The following SOX6 variants were observed in gnomAD, a reference collection of about 807,000 sequenced individuals.
SOX6 encodes transcription factor SOX-6.
Under a neutral mutation model 97.8 loss-of-function variants are expected in SOX6, and 11 were observed. The observed-to-expected ratio is 0.11, with a 90% CI of 0.07 to 0.19. The LOEUF (loss-of-function observed/expected upper bound fraction) is 0.19. SOX6 is among the 10% of genes least tolerant of loss of function. The pLI is 1.00. For missense variants in SOX6, 810 were observed against 1,039.5 expected (o/e 0.78, Z 3.04); for synonymous variants, 360 against 371.4 (o/e 0.97, Z 0.35).
chr11:16,121,886 T>C (rs1849502853), intron 6 of SOX6, among the ~76,000 whole-genome samples: 1 of 152,060 alleles, frequency 6.6e-6, no homozygotes, highest in Non-Finnish European at 1.5e-5. Flanking sequence ...AGATATCTAC[T>C]ACCTTTTCAA....
intron 3 of SOX6, among the ~76,000 whole-genome samples, chr11:16,274,719 A>C (rs1854346847): frequency 6.6e-6 from 1 of 152,202 alleles, no homozygotes. Flanking sequence ...GTTATTCCTC[A>C]GCATAGAAAG....
At chr11:16,033,310 C>T (rs1855431450) in intron 12 of SOX6, among the ~76,000 whole-genome samples, 1 of 152,168 alleles carries the variant, frequency 6.6e-6, no homozygotes, top group South Asian at 2.1e-4. Context: ...ATCATTTCCA[C>T]CTCCCAAGTG....
At chr11:16,322,813 T>C (rs1590124089) in intron 2 of SOX6, among the ~76,000 whole-genome samples, 1 of 152,164 alleles carries the variant, frequency 6.6e-6, no homozygotes, top group Non-Finnish European at 1.5e-5. Context: ...AACAATGATA[T>C]AAATGTGTTT....
chr11:16,024,838 T>A (rs1855171214), intron 12 of SOX6, among the ~76,000 whole-genome samples: 1 of 152,008 alleles, frequency 6.6e-6, no homozygotes, highest in African/African-American at 2.4e-5. Context: ...TCAAAAACAT[T>A]CTCCAATGAT....
chr11:16,169,723 T>C (rs973063906), intron 6 of SOX6, among the ~76,000 whole-genome samples: 7 of 152,026 alleles, frequency 4.6e-5, no homozygotes, highest in African/African-American at 1.4e-4. Context: ...GCTTAGTAAA[T>C]AGTTTAAATT....
intron 11 of SOX6, among the ~76,000 whole-genome samples, chr11:16,048,003 C>T (rs1213600791): frequency 6.6e-6 from 1 of 152,012 alleles, no homozygotes; most frequent in Admixed American, 6.6e-5. Flanking sequence ...TACTTCAGCC[C>T]ATTTCTAGCT....
chr11:16,548,638 G>T (rs1847646580), intron 4 of SOX6, among the ~76,000 whole-genome samples: 1 of 152,044 alleles, frequency 6.6e-6, no homozygotes, highest in African/African-American at 2.4e-5. Flanking sequence ...AAAAATTTTG[G>T]CTCTTTGAAA....
intron 6 of SOX6, among the ~76,000 whole-genome samples, chr11:16,154,085 A>C (rs987738588): frequency 5.3e-5 from 8 of 152,148 alleles, no homozygotes; most frequent in African/African-American, 1.9e-4. Context: ...CAGTGGCTGG[A>C]TACCACCAAA....
At chr11:16,096,257 T>A in intron 8 of SOX6, 139 bp from the exon 9 acceptor site, 1 of 1,085,360 alleles carries the variant, frequency 9.2e-7, no homozygotes, top group South Asian at 1.5e-5. Context: ...CTCAGTTTCT[T>A]TCTTTTACAG....
At chr11:16,575,471 T>C (rs992219463) in intron 4 of SOX6, among the ~76,000 whole-genome samples, 5 of 152,112 alleles carry the variant, frequency 3.3e-5, no homozygotes, top group Non-Finnish European at 7.4e-5. Flanking sequence ...GCATTGTTCA[T>C]AATAACCAGC....
intron 7 of SOX6, among the ~76,000 whole-genome samples, chr11:16,107,031 C>T (rs1472328411): frequency 1.3e-5 from 2 of 151,730 alleles, no homozygotes; most frequent in African/African-American, 2.4e-5. Context: ...AAAATCACAG[C>T]GAGATACCAC....
chr11:16,723,929 C>T (rs1260854325), intron 2 of SOX6, among the ~76,000 whole-genome samples: 1 of 152,086 alleles, frequency 6.6e-6, no homozygotes, highest in Non-Finnish European at 1.5e-5. Context: ...ACTTGACGCC[C>T]AAAGAATTTC....
chr11:16,685,546 C>T (rs944664986), intron 3 of SOX6, among the ~76,000 whole-genome samples: 1 of 152,258 alleles, frequency 6.6e-6, no homozygotes, highest in African/African-American at 2.4e-5. Flanking sequence ...ACTCCATGTC[C>T]CACATCCCTG....
intron 9 of SOX6, among the ~76,000 whole-genome samples, chr11:16,057,749 T>C (rs1162040897): frequency 6.6e-6 from 1 of 152,158 alleles, no homozygotes; most frequent in Non-Finnish European, 1.5e-5. Flanking sequence ...TCTCACTTAG[T>C]TGTAGTTTGA....
rs970145868 is a variant in SOX6 at position 15,966,995 on chromosome 11, G to C, written c.*5814C>G. On this transcript the variant is annotated 3_prime_UTR_variant, in exon 16 of 16. Coordinates refer to ENST00000683767, the MANE Select transcript of SOX6 (RefSeq NM_001367873.1). Reference sequence around the variant, plus strand: ...CAAGAGGAGAGTGTGAGAAAGATGTGATGGCAACCCTTAAGGTCATTTAAA... The same window carrying C: ...CAAGAGGAGAGTGTGAGAAAGATGTCATGGCAACCCTTAAGGTCATTTAAA... 6.6e-6 allele frequency: 1 copy of C among 152,086 alleles called. No individual in the cohort carries two copies. The highest frequency in any genetic ancestry group is 1.5e-5 in the Non-Finnish European group (1 of 68,024). The allele number at this position is 152,086 out of a possible 1,614,324, so 9.4% of individuals were successfully genotyped here. A position where few individuals can be genotyped will look rare whatever the true frequency, so the allele number is the denominator to read the frequency against.
chr11:16,176,657 TAG>T (rs1452512341), intron 6 of SOX6, among the ~76,000 whole-genome samples: 1 of 151,894 alleles, frequency 6.6e-6, no homozygotes, highest in Non-Finnish European at 1.5e-5. Context: ...GTTCTAAGGG[TAG>T]AGAGAGTCTA....
intron 1 of SOX6, among the ~76,000 whole-genome samples, chr11:16,343,046 A>G (rs1302053477): frequency 1.3e-5 from 2 of 151,852 alleles, no homozygotes; most frequent in Admixed American, 6.6e-5. Flanking sequence ...ATTTATATCA[A>G]TAATAACAAA....
intron 3 of SOX6, among the ~76,000 whole-genome samples, chr11:16,694,681 G>A (rs1447032959): frequency 6.6e-6 from 1 of 152,062 alleles, no homozygotes; most frequent in Non-Finnish European, 1.5e-5. Context: ...TTATATAACT[G>A]GCAAGTAGTA....
intron 3 of SOX6, among the ~76,000 whole-genome samples, chr11:16,709,450 G>A (rs151295175): frequency 3.7e-4 from 56 of 152,192 alleles, no homozygotes; most frequent in African/African-American, 1.2e-3. Flanking sequence ...CTCAAGAGGT[G>A]GAGGTTGCAG....
Sources: gnomAD v4.1 joint callset for allele counts (sites outside exome capture counted in the v4.1 genomes callset) on GRCh38, gnomAD v4.1.1 for gene constraint, MANE v1.5 for transcripts, NCBI Gene and HGNC (gene_info 2026-07-23, HGNC 2026-07-21) for gene names.